The following MREG variants were observed in gnomAD, a reference collection of about 807,000 sequenced individuals.
MREG encodes melanoregulin, also known as dilute suppressor protein homolog.
MREG carries 31 observed loss-of-function variants against 28.5 expected under a neutral mutation model. That is an observed-to-expected ratio of 1.09 (90% CI 0.82 to 1.47). The LOEUF is 1.47. Ranked by LOEUF, MREG falls within the 40% of genes most tolerant of loss-of-function variation. The probability of loss-of-function intolerance (pLI) is 0.00; values close to 1 mark genes in which losing one functional copy is unlikely to be tolerated. For synonymous variants in MREG, 106 were observed against 95.2 expected (o/e 1.11, Z -0.66); for missense variants, 256 against 257.4 (o/e 0.99, Z 0.04).
rs1273489092 is a variant in MREG, at chr2:216,007,197, T to C, written c.95+6036A>G. Among the ~76,000 whole-genome samples the C allele has an allele frequency of 6.6e-5, 10 of 152,250 alleles. No individual in the cohort carries two copies. The South Asian group carries it at 8.3e-4, about 13-fold the overall frequency. ...ATTTGGAGATTCTGCATTTGCAAAT[T>C]CGCCCACTCGTCAAAATTTACCTGT... On this transcript the variant is annotated intron_variant, in intron 1 of 4. Coordinates refer to ENST00000263268, the MANE Select transcript of MREG (RefSeq NM_018000.3).
intron 2 of MREG, among the ~76,000 whole-genome samples, chr2:215,965,500 G>T (rs1488967250): frequency 8.5e-5 from 13 of 152,166 alleles, no homozygotes; most frequent in African/African-American, 2.7e-4. Context: ...AGGAAGAGAA[G>T]AAATTAGAAA....
chr2:216,002,857 C>T (rs1574645517), intron 1 of MREG, among the ~76,000 whole-genome samples: 1 of 107,054 alleles, frequency 9.3e-6, no homozygotes, highest in Admixed American at 1.0e-4. Flanking sequence ...TCTTCCTCCC[C>T]TTTCTTTGTT....
chr2:216,009,200 T>C (rs1392694731), intron 1 of MREG, among the ~76,000 whole-genome samples: 1 of 152,202 alleles, frequency 6.6e-6, no homozygotes, highest in African/African-American at 2.4e-5. Context: ...ATATATATTG[T>C]TGCTCTATCA....
chr2:216,032,286 T>C (rs1694722135), intron 1 of MREG, among the ~76,000 whole-genome samples: 1 of 152,248 alleles, frequency 6.6e-6, no homozygotes, highest in Non-Finnish European at 1.5e-5. Flanking sequence ...TGGTCCAAAA[T>C]ATGCAAGAGA....
At chr2:216,025,281 A>C (rs1350367244) in intron 1 of MREG, among the ~76,000 whole-genome samples, 2 of 152,218 alleles carry the variant, frequency 1.3e-5, no homozygotes, top group Admixed American at 1.3e-4. Flanking sequence ...AAAAATTGTA[A>C]AACTAAGAAA....
At chr2:215,957,281 T>C (rs1474848463) in intron 2 of MREG, among the ~76,000 whole-genome samples, 1 of 152,168 alleles carries the variant, frequency 6.6e-6, no homozygotes, top group Non-Finnish European at 1.5e-5. Flanking sequence ...CAGCACAGGA[T>C]GCTGCCAAAC....
intron 2 of MREG, among the ~76,000 whole-genome samples, chr2:215,983,722 G>A (rs949427683): frequency 1.3e-5 from 2 of 152,170 alleles, no homozygotes; most frequent in Admixed American, 6.5e-5. Flanking sequence ...GCTGCTCCCA[G>A]GGGGTTTGGC....
chr2:216,002,223 G>A lies in MREG; in HGVS notation c.96-5758C>T, dbSNP rs1280498223. Among the ~76,000 whole-genome samples the A allele has an allele frequency of 3.9e-5, 6 of 152,226 alleles. 1 individual carries two copies. Among genetic ancestry groups the A allele is most frequent in the Admixed American group, 3.9e-4 (6 of 15,300 alleles). ...AGATTTCACCCTTAATCCCACCCAG[G>A]GGCTCAAGACCCAATCAATCCAGAG... On this transcript the variant is annotated intron_variant, in intron 1 of 4. Transcript: ENST00000263268.
intron 2 of MREG, among the ~76,000 whole-genome samples, chr2:215,950,986 C>T (rs1028165554): frequency 7.9e-5 from 12 of 152,004 alleles, no homozygotes; most frequent in African/African-American, 2.9e-4. Flanking sequence ...TGTAGCGCTT[C>T]CCCCTTCTCT....
chr2:216,012,653 C>T lies in MREG; in HGVS notation c.95+580G>A, dbSNP rs7604201. On this transcript the variant is annotated intron_variant, in intron 1 of 4. Transcript: ENST00000263268. ...CTTCACAAAGCCTCTTAGCTTATTG[C>T]TAATGAGCATTACATTTCCTCACAC... 1.5e-3 allele frequency among the ~76,000 whole-genome samples: 233 copies of T among 152,298 alleles called. 2 individuals carry two copies. Among genetic ancestry groups the T allele is most frequent in the African/African-American group, 5.4e-3 (225 of 41,554 alleles).
chr2:215,957,204 T>G (rs551617657), intron 2 of MREG, among the ~76,000 whole-genome samples: 1 of 152,142 alleles, frequency 6.6e-6, no homozygotes, highest in Non-Finnish European at 1.5e-5. Context: ...GAGGAGGAAC[T>G]AGGAAAACAC....
chr2:215,960,450 A>G (rs941429105), intron 2 of MREG, among the ~76,000 whole-genome samples: 2 of 152,218 alleles, frequency 1.3e-5, no homozygotes, highest in African/African-American at 4.8e-5. Flanking sequence ...TCGAGTGCCT[A>G]TTGTGAATAT....
intron 2 of MREG, among the ~76,000 whole-genome samples, chr2:215,982,185 G>A (rs1042158357): frequency 2.6e-5 from 4 of 152,050 alleles, no homozygotes; most frequent in Non-Finnish European, 5.9e-5. Flanking sequence ...GCCGGATGTG[G>A]TGGTGCATGC....
At chr2:216,007,236 A>G (rs994358304) in intron 1 of MREG, among the ~76,000 whole-genome samples, 2 of 152,064 alleles carry the variant, frequency 1.3e-5, no homozygotes, top group Non-Finnish European at 2.9e-5. Flanking sequence ...CCCAAAATCA[A>G]TACTAGTGAT....
rs777039341 is a variant in MREG at position 215,944,915 on chromosome 2, C to G, written c.593G>C (p.Cys198Ser). The G allele has an allele frequency of 6.2e-7, 1 of 1,608,496 alleles. No homozygotes were observed. Among genetic ancestry groups the G allele is most frequent in the Non-Finnish European group, 8.5e-7 (1 of 1,175,532 alleles). ...CAGTTCTTTCTGGCCATCTGCCAGG[C>G]ATGGAACCCCAGGCTTCTTGGGGTA... ...RTYPKKPGVPCLADGQKELHY... is the reference protein window; with the variant it reads ...RTYPKKPGVPSLADGQKELHY... The change falls in exon 5 of 5, where the codon TGC becomes TCC. Residue 198 changes from cysteine (C) to serine (S), a missense_variant. Physicochemically the swap from Cys to Ser is moderately radical, Grantham distance 112 (BLOSUM62 -1). Transcript: ENST00000263268.
At chr2:216,009,197 T>C (rs62183225) in intron 1 of MREG, among the ~76,000 whole-genome samples, 51,130 of 150,294 alleles carry the variant, frequency 0.34, 8,282 homozygotes, top group African/African-American at 0.41. Flanking sequence ...TTAATATATA[T>C]TGTTGCTCTA....
intron 1 of MREG, among the ~76,000 whole-genome samples, chr2:216,006,912 T>C (rs1023030752): frequency 6.6e-6 from 1 of 152,204 alleles, no homozygotes; most frequent in African/African-American, 2.4e-5. Context: ...GACCCAGTGT[T>C]TCTGGACCCT....
intron 2 of MREG, among the ~76,000 whole-genome samples, chr2:215,962,383 T>C (rs1223861189): frequency 6.6e-6 from 1 of 152,222 alleles, no homozygotes; most frequent in Non-Finnish European, 1.5e-5. Context: ...GATGAGATTT[T>C]GCTAATGCTG....
chr2:215,941,596 C>T (rs998873522), downstream of MREG: 5 of 152,180 alleles, frequency 3.3e-5, no homozygotes, highest in East Asian at 3.8e-4. Flanking sequence ...TTACAAAGAC[C>T]TTCTTGGAGA....
Sources: gnomAD v4.1 joint callset for allele counts (sites outside exome capture counted in the v4.1 genomes callset) on GRCh38, gnomAD v4.1.1 for gene constraint, MANE v1.5 for transcripts, NCBI Gene and HGNC (gene_info 2026-07-23, HGNC 2026-07-21) for gene names.